The following EXOSC7 variants were observed in gnomAD, a reference collection of about 807,000 sequenced individuals.
The protein encoded by EXOSC7 is exosome component 7.
Under a neutral mutation model 34.3 loss-of-function variants are expected in EXOSC7, and 25 were observed. The ratio of observed to expected loss-of-function variants is 0.73; its 90% CI spans 0.53 to 1.02. The LOEUF (loss-of-function observed/expected upper bound fraction) is 1.02, where lower values mean the gene tolerates loss of function less well. EXOSC7 is among the 50% of genes least tolerant of loss of function. EXOSC7 has a pLI of 0.00. For synonymous variants in EXOSC7, 130 were observed against 143.0 expected, an observed-to-expected ratio of 0.91 and a Z score of 0.65; for missense variants, 370 against 368.5, an observed-to-expected ratio of 1.00 and a Z score of -0.03.
At chr3:45,001,508 T>G (rs1467230547) in intron 4 of EXOSC7, 30 bp from the exon 5 acceptor site, 1 of 1,574,256 alleles carries the variant, frequency 6.4e-7, no homozygotes, top group East Asian at 2.2e-5. Context: ...GCTTGGTTTT[T>G]TTTCCTTTTT....
At chr3:44,990,702 T>G (rs985438889) in intron 3 of EXOSC7, among the ~76,000 whole-genome samples, 1 of 152,220 alleles carries the variant, frequency 6.6e-6, no homozygotes, top group Admixed American at 6.5e-5. Flanking sequence ...AGATTTTTAC[T>G]GGGAGCTGGT....
chr3:44,981,107 A>G (rs997940361), intron 1 of EXOSC7, among the ~76,000 whole-genome samples: 3 of 152,222 alleles, frequency 2.0e-5, no homozygotes, highest in African/African-American at 7.2e-5. Context: ...AACATTCTGA[A>G]TCAGACTCTC....
At chr3:44,993,073 T>C (rs1251235037) in intron 3 of EXOSC7, among the ~76,000 whole-genome samples, 2 of 151,620 alleles carry the variant, frequency 1.3e-5, no homozygotes, top group Non-Finnish European at 2.9e-5. Flanking sequence ...AAGGGGACAC[T>C]GTTCCTGGCT....
chr3:44,983,881 C>T (rs1287609430), intron 1 of EXOSC7, among the ~76,000 whole-genome samples: 1 of 152,052 alleles, frequency 6.6e-6, no homozygotes, highest in Non-Finnish European at 1.5e-5. Context: ...AAAAAGTTGC[C>T]CTGGGTACAG....
At chr3:44,990,757 G>A (rs1267444292) in intron 3 of EXOSC7, among the ~76,000 whole-genome samples, 1 of 152,148 alleles carries the variant, frequency 6.6e-6, no homozygotes, top group Admixed American at 6.5e-5. Flanking sequence ...TTTTCTAAAG[G>A]AAAGCAAATG....
At chr3:44,985,539 C>T (rs1011350842) in intron 1 of EXOSC7, among the ~76,000 whole-genome samples, 4 of 149,594 alleles carry the variant, frequency 2.7e-5, no homozygotes, top group Admixed American at 6.7e-5. Flanking sequence ...GCTCTTAAGG[C>T]GGCACACCTG....
intron 1 of EXOSC7, among the ~76,000 whole-genome samples, chr3:44,982,309 C>T (rs1706294405): frequency 6.6e-6 from 1 of 152,224 alleles, no homozygotes; most frequent in African/African-American, 2.4e-5. Context: ...GGTTCAGGCA[C>T]CTACCCCTGG....
At chr3:44,994,853 A>ATGGG (rs1706673314) in intron 3 of EXOSC7, among the ~76,000 whole-genome samples, 1 of 98,810 alleles carries the variant, frequency 1.0e-5, no homozygotes, top group African/African-American at 3.9e-5. Context: ...TGGTGGAAGA[A>ATGGG]TGGGTGTGTG....
chr3:44,996,034 C>T (rs531701038), intron 3 of EXOSC7, among the ~76,000 whole-genome samples: 36 of 152,262 alleles, frequency 2.4e-4, no homozygotes, highest in African/African-American at 7.9e-4. Context: ...CTGTTTGCTC[C>T]CTATGGTGAA....
chr3:44,996,668 A>G (rs1171250424), intron 3 of EXOSC7, among the ~76,000 whole-genome samples: 2 of 152,236 alleles, frequency 1.3e-5, no homozygotes, highest in East Asian at 3.8e-4. Flanking sequence ...GAGGTGGTGT[A>G]TATGACAAAA....
intron 5 of EXOSC7, among the ~76,000 whole-genome samples, chr3:45,003,292 G>A (rs1184656303): frequency 6.6e-6 from 1 of 152,096 alleles, no homozygotes; most frequent in Admixed American, 6.6e-5. Flanking sequence ...GCCCAGGCTT[G>A]TTGTAGCCAA....
chr3:44,999,689 T>TA (rs557203867), intron 4 of EXOSC7, among the ~76,000 whole-genome samples: 92 of 144,442 alleles, frequency 6.4e-4, no homozygotes, highest in Middle Eastern at 3.6e-3. Context: ...AATCCATCTT[T>TA]AAAAAAAAAA....
At chr3:45,001,476 A>G (rs1706877044) in intron 4 of EXOSC7, 62 bp from the exon 5 acceptor site, 1 of 1,215,934 alleles carries the variant, frequency 8.2e-7, no homozygotes, top group African/African-American at 1.5e-5. Context: ...TAACTGGGGT[A>G]ATACCTAAAG....
chr3:44,989,495 G>T, intron 2 of EXOSC7, 55 bp from the exon 3 acceptor site: 1 of 1,361,924 alleles, frequency 7.3e-7, no homozygotes. Context: ...GAGGGAGGTG[G>T]TGGAGTACCT....
rs1706467437 is a variant in EXOSC7, at chr3:44,987,942, T to G, written c.58-1198T>G. 2.6e-5 allele frequency among the ~76,000 whole-genome samples: 4 copies of G among 152,212 alleles called. No homozygotes were observed. In the South Asian group the frequency reaches 8.3e-4, roughly 32 times the overall value. On this transcript the variant is annotated intron_variant, in intron 1 of 7. Transcript: ENST00000265564. Reference sequence around the variant, plus strand: ...TATGAACTCTTGGCTTTTTAATAGATATGTAGATAGATACAGAATTAAACA... The same window carrying G: ...TATGAACTCTTGGCTTTTTAATAGAGATGTAGATAGATACAGAATTAAACA...
intron 3 of EXOSC7, among the ~76,000 whole-genome samples, chr3:44,994,447 A>G (rs1706661469): frequency 6.6e-6 from 1 of 151,442 alleles, no homozygotes; most frequent in East Asian, 1.9e-4. Flanking sequence ...TATTAGTTAT[A>G]TGTGGCCCTT....
chr3:44,986,760 G>A (rs929278251), intron 1 of EXOSC7, among the ~76,000 whole-genome samples: 1 of 152,192 alleles, frequency 6.6e-6, no homozygotes, highest in Admixed American at 6.5e-5. Flanking sequence ...AAAGTTAAAC[G>A]GGTGAAAGAC....
intron 1 of EXOSC7, among the ~76,000 whole-genome samples, chr3:44,978,024 AGCAGGGAT>A (rs1706160853): frequency 6.6e-6 from 1 of 152,262 alleles, no homozygotes. Context: ...TGTGGGAAAC[AGCAGGGAT>A]GCCAAAACAT....
chr3:44,977,615 T>TTG (rs1241040549), intron 1 of EXOSC7, among the ~76,000 whole-genome samples: 55 of 152,354 alleles, frequency 3.6e-4, no homozygotes, highest in African/African-American at 1.3e-3. Context: ...TGTATGTTAT[T>TTG]TGTGTGTGAG....
Sources: gnomAD v4.1 joint callset for allele counts (sites outside exome capture counted in the v4.1 genomes callset) on GRCh38, gnomAD v4.1.1 for gene constraint, MANE v1.5 for transcripts, NCBI Gene and HGNC (gene_info 2026-07-23, HGNC 2026-07-21) for gene names.